Variants in CBL observed in about 807,000 individuals in gnomAD.
The protein encoded by CBL is E3 ubiquitin-protein ligase CBL.
A neutral mutation model predicts 96.9 loss-of-function variants in CBL; 45 were observed. The observed-to-expected ratio is 0.46, with a 90% CI of 0.37 to 0.60. CBL has a LOEUF of 0.60. Ranked by LOEUF, CBL falls within the 20% of genes least tolerant of loss-of-function variation. CBL has a pLI of 0.00. For synonymous variants in CBL, 420 were observed against 426.8 expected (o/e 0.98, Z 0.20); for missense variants, 1,024 against 1,143.5 (o/e 0.90, Z 1.51).
At chr11:119,278,041 C>A in intron 7 of CBL, 125 bp from the exon 8 acceptor site, 1 of 946,510 alleles carries the variant, frequency 1.1e-6, no homozygotes. Flanking sequence ...AAAAAATAAA[C>A]CACTGTTGTG....
chr11:119,249,380 AC>A (rs1337769939), intron 2 of CBL, among the ~76,000 whole-genome samples: 1 of 151,472 alleles, frequency 6.6e-6, no homozygotes, highest in Non-Finnish European at 1.5e-5. Flanking sequence ...ACATGGAAAA[AC>A]CCCATCTCTA....
chr11:119,206,701 G>T, intron 1 of CBL, 89 bp downstream of exon 1: 2 of 1,367,342 alleles, frequency 1.5e-6, no homozygotes, highest in Non-Finnish European at 2.0e-6. Flanking sequence ...GGAAGCGGGG[G>T]AGGGGACGGG....
At chr11:119,231,416 AAAAC>A (rs1435382088) in intron 1 of CBL, among the ~76,000 whole-genome samples, 23 of 150,840 alleles carry the variant, frequency 1.5e-4, no homozygotes, top group African/African-American at 3.9e-4. Context: ...TCAAAAACAA[AAAAC>A]AAACAAAGGG....
At chr11:119,283,625 CTTTTTTTTTT>C (rs398017760) in intron 9 of CBL, among the ~76,000 whole-genome samples, 47 of 45,526 alleles carry the variant, frequency 1.0e-3, no homozygotes, top group South Asian at 5.7e-3. Context: ...TTAATTCTTT[CTTTTTTTTTT>C]TTTTTTTTTT....
intron 1 of CBL, among the ~76,000 whole-genome samples, chr11:119,214,959 A>T (rs1949347249): frequency 7.3e-6 from 1 of 136,304 alleles, no homozygotes; most frequent in Admixed American, 7.8e-5. Context: ...AAGAGGTTTT[A>T]CCTTATAAAG....
At chr11:119,234,745 C>T (rs1011823522) in intron 2 of CBL, among the ~76,000 whole-genome samples, 5 of 152,148 alleles carry the variant, frequency 3.3e-5, no homozygotes, top group African/African-American at 1.2e-4. Context: ...CCAGCCTGGG[C>T]AACACAGCGA....
chr11:119,267,627 A>G (rs1000220016), intron 2 of CBL, among the ~76,000 whole-genome samples: 3 of 152,208 alleles, frequency 2.0e-5, no homozygotes, highest in Admixed American at 6.5e-5. Flanking sequence ...TCTTCCTCAC[A>G]GCACTTTTCT....
At chr11:119,231,286 C>T (rs904366658) in intron 1 of CBL, among the ~76,000 whole-genome samples, 2 of 152,108 alleles carry the variant, frequency 1.3e-5, no homozygotes, top group Non-Finnish European at 2.9e-5. Context: ...GCCTGTAATC[C>T]CAGCTACTTG....
At chr11:119,237,862 C>T (rs1949557035) in intron 2 of CBL, among the ~76,000 whole-genome samples, 1 of 152,030 alleles carries the variant, frequency 6.6e-6, no homozygotes, top group African/African-American at 2.4e-5. Context: ...GGCTGCTATT[C>T]TGGATCCATT....
intron 1 of CBL, among the ~76,000 whole-genome samples, chr11:119,224,838 G>T (rs1419243853): frequency 6.6e-6 from 1 of 151,956 alleles, no homozygotes; most frequent in Non-Finnish European, 1.5e-5. Flanking sequence ...GAGGAGGAGG[G>T]GTTGGCTGCT....
At position 119,264,388 on chromosome 11, in the gene CBL, T is replaced by TTTCTTTTCTCTTCTC. The variant is rs1555228856; in HGVS notation, c.444-7343_444-7342insTTTCTCTTCTCTTCT. Among the ~76,000 whole-genome samples, 21 of 133,850 alleles carry TTTCTTTTCTCTTCTC rather than the reference T, an allele frequency of 1.6e-4. No individual in the cohort carries two copies. The South Asian group carries it at 4.2e-3, about 27-fold the overall frequency. The allele number at this position is 133,850 out of a possible 152,430, so 87.8% of individuals were successfully genotyped here. A position where few individuals can be genotyped will look rare whatever the true frequency, so the allele number is the denominator to read the frequency against. ...TCTTTTATTATGATCTTTCTTTTCTTTTCTCTTCTCTTCTCTTCTCTTCTC... is the reference window on the plus strand; with the variant it reads ...TCTTTTATTATGATCTTTCTTTTCTTTTCTTTTCTCTTCTCTTCTCTTCTCTTCTCTTCTCTTCTC... On this transcript the variant is annotated intron_variant, in intron 2 of 15. Transcript: ENST00000264033.
At chr11:119,274,121 C>A (rs1592398568) in intron 4 of CBL, 97 bp downstream of exon 4, 2 of 935,250 alleles carry the variant, frequency 2.1e-6, no homozygotes, top group Admixed American at 2.2e-5. Context: ...GGGTTTTTGT[C>A]TGTATGAAAG....
At chr11:119,242,615 A>G (rs558979290) in intron 2 of CBL, among the ~76,000 whole-genome samples, 4 of 151,354 alleles carry the variant, frequency 2.6e-5, no homozygotes, top group Non-Finnish European at 5.9e-5. Flanking sequence ...TTTAAAAAAG[A>G]AAAATTGGCT....
At chr11:119,277,720 G>A (rs1949900268) in intron 6 of CBL, 37 bp from the exon 7 acceptor site, 1 of 1,438,136 alleles carries the variant, frequency 7.0e-7, no homozygotes, top group Admixed American at 1.7e-5. Flanking sequence ...CTGGCAAATT[G>A]GCTTAAATAA....
intron 1 of CBL, among the ~76,000 whole-genome samples, chr11:119,216,915 G>C (rs1308912619): frequency 6.6e-6 from 1 of 151,962 alleles, no homozygotes; most frequent in Non-Finnish European, 1.5e-5. Context: ...TGATTGCCCT[G>C]GAATTATTTA....
At chr11:119,217,205 C>T (rs1445410917) in intron 1 of CBL, among the ~76,000 whole-genome samples, 1 of 152,130 alleles carries the variant, frequency 6.6e-6, no homozygotes, top group Non-Finnish European at 1.5e-5. Context: ...GCAGCCTCCA[C>T]CTCCTAGGTT....
At chr11:119,212,098 T>C (rs1159123646) in intron 1 of CBL, among the ~76,000 whole-genome samples, 2 of 151,316 alleles carry the variant, frequency 1.3e-5, no homozygotes, top group African/African-American at 2.4e-5. Context: ...TTTGTATTTT[T>C]AGTAGAGATG....
chr11:119,231,998 A>G (rs892619540), intron 1 of CBL, among the ~76,000 whole-genome samples: 2 of 151,732 alleles, frequency 1.3e-5, no homozygotes, highest in African/African-American at 4.8e-5. Context: ...GCTACCCAGG[A>G]GGCTGAAGTG....
chr11:119,263,852 A>G (rs1230806020), intron 2 of CBL, among the ~76,000 whole-genome samples: 1 of 152,200 alleles, frequency 6.6e-6, no homozygotes, highest in South Asian at 2.1e-4. Context: ...TCTTTAGATG[A>G]CACTAGTGTT....
Sources: gnomAD v4.1 joint callset for allele counts (sites outside exome capture counted in the v4.1 genomes callset) on GRCh38, gnomAD v4.1.1 for gene constraint, MANE v1.5 for transcripts, NCBI Gene and HGNC (gene_info 2026-07-23, HGNC 2026-07-21) for gene names.